ANKDD1A: variants seen among roughly 807,000 people sequenced by gnomAD.
ANKDD1A encodes the protein ankyrin repeat and death domain containing 1A, also known as ankyrin repeat and death domain-containing protein 1A.
ANKDD1A carries 59 observed loss-of-function variants against 63.5 expected under a neutral mutation model. The observed-to-expected ratio is 0.93, with a 90% confidence interval of 0.75 to 1.15. The LOEUF (loss-of-function observed/expected upper bound fraction) is 1.15. ANKDD1A is among the 50% of genes most tolerant of loss of function. The pLI, the probability that ANKDD1A is intolerant of heterozygous loss-of-function variation, is 0.00. For synonymous variants in ANKDD1A, 266 were observed against 263.9 expected, an observed-to-expected ratio of 1.01 and a Z score of -0.08; for missense variants, 632 against 656.4, an observed-to-expected ratio of 0.96 and a Z score of 0.41.
chr15:64,942,418 G>T (rs753276869), intron 9 of ANKDD1A, 49 bp from the exon 10 acceptor site: 1 of 1,419,148 alleles, frequency 7.0e-7, no homozygotes, highest in East Asian at 2.5e-5. Flanking sequence ...CTGCAGCTGG[G>T]CAGTCCTGGG....
chr15:64,912,534 G>C (rs1214228315), intron 1 of ANKDD1A, among the ~76,000 whole-genome samples: 1 of 152,212 alleles, frequency 6.6e-6, no homozygotes, highest in Non-Finnish European at 1.5e-5. Flanking sequence ...GGGCACCTCC[G>C]AACCTCCCTC....
chr15:64,948,322 A>G (rs2085239861), intron 13 of ANKDD1A, among the ~76,000 whole-genome samples: 1 of 152,212 alleles, frequency 6.6e-6, no homozygotes, highest in African/African-American at 2.4e-5. Context: ...AAGAAAAAGT[A>G]TCATATAAAT....
In ANKDD1A at chr15:64,953,168, CTTTTCT is replaced by C. The variant is rs2085332861; in HGVS notation, c.1483+3198_1483+3203del. The stretch of plus-strand genomic sequence containing the variant: ...CCTTTTTCTCCTTTCTTCTTTCCTT[CTTTTCT>C]TCTTTTTCTTCTTCCTCTTCTTATT... On this transcript the variant is annotated intron_variant, in intron 14 of 14. Transcript: ENST00000319580. Among the ~76,000 whole-genome samples the C allele has an allele frequency of 3.6e-3, 313 of 85,970 alleles. 6 individuals carry two copies. The East Asian group carries it at 0.16, about 44-fold the overall frequency. The allele number at this position is 85,970 out of a possible 152,430, so 56.4% of individuals were successfully genotyped here.
chr15:64,932,273 CA>C (rs1186098072), intron 8 of ANKDD1A: 1 of 152,184 alleles, frequency 6.6e-6, no homozygotes, highest in Non-Finnish European at 1.5e-5. Flanking sequence ...AGAAAAATTC[CA>C]CCCATTTTGC....
At chr15:64,951,657 ATCT>A (rs777164342) in intron 14 of ANKDD1A, among the ~76,000 whole-genome samples, 50 of 28,582 alleles carry the variant, frequency 1.7e-3, no homozygotes, top group African/African-American at 3.9e-3. Flanking sequence ...CTTTCCTTCT[ATCT>A]TCTTTTTCTT....
chr15:64,912,175 A>G (rs1244535016), intron 1 of ANKDD1A, among the ~76,000 whole-genome samples: 1 of 152,170 alleles, frequency 6.6e-6, no homozygotes, highest in Non-Finnish European at 1.5e-5. Context: ...CACACCCGCC[A>G]GGTGAGCGGG....
intron 11 of ANKDD1A, among the ~76,000 whole-genome samples, chr15:64,944,341 G>T (rs144280887): frequency 1.3e-5 from 2 of 152,344 alleles, no homozygotes; most frequent in Non-Finnish European, 2.9e-5. Context: ...TCTGAAAAGT[G>T]GGTGGGAACC....
At chr15:64,934,734 T>C (rs959129231) in intron 9 of ANKDD1A, among the ~76,000 whole-genome samples, 1 of 149,714 alleles carries the variant, frequency 6.7e-6, no homozygotes, top group Non-Finnish European at 1.5e-5. Context: ...GCCAGGCTGG[T>C]CTTGAACCCC....
intron 14 of ANKDD1A, chr15:64,950,614 T>C: frequency 2.0e-6 from 2 of 985,234 alleles, no homozygotes; most frequent in Non-Finnish European, 2.4e-6. Flanking sequence ...CAGCCACTGA[T>C]AGTTGTGAAG....
At chr15:64,936,461 C>T (rs55786546) in intron 9 of ANKDD1A, among the ~76,000 whole-genome samples, 2,649 of 152,210 alleles carry the variant, frequency 0.017, 44 homozygotes, top group South Asian at 0.024. Flanking sequence ...TTAATTGTGT[C>T]ACTTTTATTT....
At chr15:64,942,397 C>G in intron 9 of ANKDD1A, 70 bp from the exon 10 acceptor site, 6 of 1,265,866 alleles carry the variant, frequency 4.7e-6, no homozygotes, top group Non-Finnish European at 6.6e-6. Context: ...CCTCCTGTCC[C>G]CAGCACCAGC....
chr15:64,952,037 TTCC>T (rs1170308889), intron 14 of ANKDD1A, among the ~76,000 whole-genome samples: 7 of 149,830 alleles, frequency 4.7e-5, no homozygotes, highest in African/African-American at 1.7e-4. Context: ...TTCTTCTTCT[TTCC>T]TCTTCTTTCT....
At chr15:64,953,536 C>CTCCTTCTTCCTTCTCCTTCT (rs2085344806) in intron 14 of ANKDD1A, among the ~76,000 whole-genome samples, 3 of 8,246 alleles carry the variant, frequency 3.6e-4, no homozygotes, top group Non-Finnish European at 1.4e-3. Context: ...TTCTTCTCCT[C>CTCCTTCTTCCTTCTCCTTCT]TCCTTCTTCC....
chr15:64,931,759 C>T (rs1306384704), intron 8 of ANKDD1A, 174 bp downstream of exon 8: 2 of 657,598 alleles, frequency 3.0e-6, no homozygotes, highest in East Asian at 2.7e-5. Context: ...GAGCAAGTTA[C>T]TTAACCTCTC....
Position 64,944,705 on chromosome 15 carries a change from G to A in ANKDD1A, c.1119G>A (p.Val373=), listed in dbSNP as rs746321217. ...TCCGCAGCAACCATGTCAGCCTGGT[G>A]GACATGATCATAAAAGCTGATCGTT... ...VAVRSNHVSL[V]DMIIKADRFY... is the part of the protein sequence containing the mutation. The change falls in exon 12 of 15, where the codon GTG becomes GTA. Residue 373 remains valine, a synonymous_variant. Transcript: ENST00000319580. 25 of 1,614,006 alleles carry A rather than the reference G, an allele frequency of 1.5e-5. No homozygotes were observed. In the Admixed American group the frequency reaches 4.2e-4, roughly 27 times the overall value.
At chr15:64,921,675 G>A (rs772213654) in intron 3 of ANKDD1A, among the ~76,000 whole-genome samples, 29 of 152,016 alleles carry the variant, frequency 1.9e-4, no homozygotes, top group Non-Finnish European at 3.2e-4. Context: ...AAGCCTGGCC[G>A]GCAGCTGTCT....
intron 8 of ANKDD1A, among the ~76,000 whole-genome samples, chr15:64,933,074 C>T (rs972081555): frequency 7.2e-5 from 11 of 151,976 alleles, no homozygotes; most frequent in South Asian, 2.1e-4. Flanking sequence ...GCAGAGGCCA[C>T]GTTCCATTTC....
chr15:64,919,831 C>T (rs749880576), intron 3 of ANKDD1A: 3 of 152,642 alleles, frequency 2.0e-5, no homozygotes, highest in African/African-American at 4.8e-5. Context: ...CCTTGGTCCT[C>T]TCCTTGCCTT....
At chr15:64,924,781 C>G (rs763612366) in intron 4 of ANKDD1A, among the ~76,000 whole-genome samples, 5 of 152,132 alleles carry the variant, frequency 3.3e-5, no homozygotes, top group Non-Finnish European at 5.9e-5. Context: ...AGAGTAGTAG[C>G]CAAGTATTTT....
Sources: gnomAD v4.1 joint callset for allele counts (sites outside exome capture counted in the v4.1 genomes callset) on GRCh38, gnomAD v4.1.1 for gene constraint, MANE v1.5 for transcripts, NCBI Gene and HGNC (gene_info 2026-07-23, HGNC 2026-07-21) for gene names.